The following SPATA22 variants were observed in gnomAD, a reference collection of about 807,000 sequenced individuals.
SPATA22 encodes spermatogenesis associated 22.
Under a neutral mutation model 47.8 loss-of-function variants are expected in SPATA22, and 29 were observed. The ratio of observed to expected loss-of-function variants is 0.61; its 90% CI spans 0.45 to 0.83. SPATA22 has a LOEUF of 0.83. SPATA22 is among the 40% of genes least tolerant of loss of function. SPATA22 has a pLI of 0.00. For missense variants in SPATA22, 410 were observed against 421.7 expected (o/e 0.97, Z 0.24); for synonymous variants, 133 against 140.9 (o/e 0.94, Z 0.40).
chr17:3,476,491 T>A (rs751276372), upstream of SPATA22: 69 of 1,152,042 alleles, frequency 6.0e-5, no homozygotes, highest in Non-Finnish European at 8.3e-5. Flanking sequence ...AGATGATAAT[T>A]CATGTCCGTA....
At position 3,496,217 on chromosome 17, in the gene SPATA22, T is replaced by C. The variant is rs183584884; in HGVS notation, c.-74+17195A>G. 1.2e-4 allele frequency among the ~76,000 whole-genome samples: 18 copies of C among 152,326 alleles called. 1 individual carries two copies. Among genetic ancestry groups the C allele is most frequent in the Admixed American group, 1.1e-3 (17 of 15,302 alleles). On this transcript the variant is annotated intron_variant, in intron 1 of 8. Transcript: ENST00000541913. ...TATTTTTGAATGACAACTAAGCTCA[T>C]TCTGGGCCTTGAGATTCAAGATAGG...
intron 5 of SPATA22, among the ~76,000 whole-genome samples, chr17:3,454,738 T>G (rs1222479308): frequency 6.6e-6 from 1 of 152,040 alleles, no homozygotes; most frequent in Non-Finnish European, 1.5e-5. Flanking sequence ...TTTGCTATTG[T>G]GAATAGTGCC....
At chr17:3,468,894 T>C in intron 2 of SPATA22, 1 of 944,862 alleles carries the variant, frequency 1.1e-6, no homozygotes, top group Non-Finnish European at 1.3e-6. Flanking sequence ...CATCTGTCTT[T>C]ATACTAATAA....
At chr17:3,509,651 A>G (rs1364249211) in intron 1 of SPATA22, among the ~76,000 whole-genome samples, 2 of 152,150 alleles carry the variant, frequency 1.3e-5, no homozygotes, top group African/African-American at 4.8e-5. Flanking sequence ...TTTATAGTAG[A>G]ATGATTTACA....
chr17:3,494,490 AAAT>A (rs1335968460), intron 1 of SPATA22: 1 of 1,524,836 alleles, frequency 6.6e-7, no homozygotes, highest in African/African-American at 1.4e-5. Context: ...AAAATGTTGA[AAAT>A]AATAATGCTG....
chr17:3,465,188 C>T (rs1225757729), intron 3 of SPATA22, among the ~76,000 whole-genome samples: 10 of 136,096 alleles, frequency 7.3e-5, no homozygotes, highest in Non-Finnish European at 1.5e-4. Flanking sequence ...CCAGCCGCCT[C>T]GTCCAGGAGG....
intron 1 of SPATA22, among the ~76,000 whole-genome samples, chr17:3,494,947 G>A (rs982348935): frequency 1.3e-5 from 2 of 152,094 alleles, no homozygotes; most frequent in Admixed American, 6.6e-5. Flanking sequence ...CAAGTTGGCC[G>A]CATCACTTGC....
intron 3 of SPATA22, among the ~76,000 whole-genome samples, chr17:3,464,626 C>T (rs1290847485): frequency 6.7e-6 from 1 of 148,362 alleles, no homozygotes; most frequent in African/African-American, 2.5e-5. Context: ...GCACCTTTGC[C>T]CCGCCGCCCC....
At chr17:3,470,093 C>CA (rs57432043) in intron 1 of SPATA22, among the ~76,000 whole-genome samples, 6,636 of 53,910 alleles carry the variant, frequency 0.12, 905 homozygotes, top group African/African-American at 0.29. Context: ...GACTCCATCT[C>CA]AAAAAAAAAA....
intron 5 of SPATA22, among the ~76,000 whole-genome samples, chr17:3,454,283 T>TTTAC (rs2072932512): frequency 6.7e-6 from 1 of 148,718 alleles, no homozygotes; most frequent in Non-Finnish European, 1.5e-5. Context: ...TGTTTTTTGT[T>TTTAC]TTATTTATTT....
At chr17:3,458,212 TA>T (rs2073039786) in intron 5 of SPATA22, among the ~76,000 whole-genome samples, 1 of 152,218 alleles carries the variant, frequency 6.6e-6, no homozygotes, top group African/African-American at 2.4e-5. Flanking sequence ...AACAGGTATA[TA>T]AAAAGGTACT....
chr17:3,494,431 T>C (rs145085349), intron 1 of SPATA22: 7 of 1,611,230 alleles, frequency 4.3e-6, no homozygotes, highest in African/African-American at 1.3e-5. Context: ...AATGGAGAAA[T>C]TGCTGCTATC....
At chr17:3,470,290 C>G (rs1407430275) in intron 1 of SPATA22, among the ~76,000 whole-genome samples, 1 of 152,096 alleles carries the variant, frequency 6.6e-6, no homozygotes, top group South Asian at 2.1e-4. Flanking sequence ...TCTAATACAA[C>G]GAACACTTGC....
At chr17:3,465,227 A>C (rs1426508434) in intron 3 of SPATA22, among the ~76,000 whole-genome samples, 1 of 105,506 alleles carries the variant, frequency 9.5e-6, no homozygotes, top group Non-Finnish European at 2.2e-5. Flanking sequence ...GGCCGCCCCT[A>C]CTGGGAAGTG....
chr17:3,505,781 G>T (rs1178461306), intron 1 of SPATA22, among the ~76,000 whole-genome samples: 1 of 144,644 alleles, frequency 6.9e-6, no homozygotes, highest in Non-Finnish European at 1.5e-5. Context: ...TTTTTGAGAC[G>T]GAGTCTCACT....
intron 5 of SPATA22, among the ~76,000 whole-genome samples, chr17:3,449,439 T>G (rs965710464): frequency 2.0e-5 from 3 of 152,212 alleles, no homozygotes; most frequent in Non-Finnish European, 4.4e-5. Context: ...CAGAGTCTAG[T>G]ACTACAAAGT....
chr17:3,512,935 T>C (rs1438358469), intron 1 of SPATA22: 2 of 152,136 alleles, frequency 1.3e-5, no homozygotes, highest in African/African-American at 4.8e-5. Context: ...GAGCAGCTGC[T>C]ATTTCTGCTT....
At chr17:3,496,799 GC>G (rs1441987187) in intron 1 of SPATA22, among the ~76,000 whole-genome samples, 4 of 152,222 alleles carry the variant, frequency 2.6e-5, no homozygotes, top group African/African-American at 9.6e-5. Context: ...AGGAGCGGTG[GC>G]TCACGCCTGT....
At chr17:3,451,326 A>C (rs1304311478) in intron 5 of SPATA22, among the ~76,000 whole-genome samples, 1 of 152,176 alleles carries the variant, frequency 6.6e-6, no homozygotes, top group Non-Finnish European at 1.5e-5. Context: ...ATATTGACAA[A>C]TCTAAAAGGA....
Sources: gnomAD v4.1 joint callset for allele counts (sites outside exome capture counted in the v4.1 genomes callset) on GRCh38, gnomAD v4.1.1 for gene constraint, MANE v1.5 for transcripts, NCBI Gene and HGNC (gene_info 2026-07-23, HGNC 2026-07-21) for gene names.